The following PTPRT variants were observed in gnomAD, a reference collection of about 807,000 sequenced individuals.
The protein encoded by PTPRT is receptor-type tyrosine-protein phosphatase T.
A neutral mutation model predicts 176.8 loss-of-function variants in PTPRT; 56 were observed. The observed-to-expected ratio is 0.32, with a 90% CI of 0.26 to 0.40. PTPRT has a LOEUF of 0.40. PTPRT is among the 10% of genes least tolerant of loss of function. PTPRT has a pLI of 1.00. For missense variants in PTPRT, 1,540 were observed against 1,908.2 expected (o/e 0.81, Z 3.60); for synonymous variants, 783 against 739.0 (o/e 1.06, Z -0.96).
chr20:42,485,898 C>T (rs981923839), intron 7 of PTPRT, among the ~76,000 whole-genome samples: 1 of 152,210 alleles, frequency 6.6e-6, no homozygotes, highest in Non-Finnish European at 1.5e-5. Context: ...TTGAGGGAGG[C>T]TTATTTTCTG....
chr20:42,780,789 C>A (rs1424843357), intron 3 of PTPRT, among the ~76,000 whole-genome samples: 1 of 152,190 alleles, frequency 6.6e-6, no homozygotes, highest in Non-Finnish European at 1.5e-5. Context: ...TATAATAACA[C>A]TCTTAAAAAT....
chr20:42,742,588 C>G (rs1159520929), intron 6 of PTPRT, among the ~76,000 whole-genome samples: 3 of 152,090 alleles, frequency 2.0e-5, no homozygotes, highest in Non-Finnish European at 4.4e-5. Context: ...TTTAATAGGT[C>G]TGGCCCAAAA....
At chr20:42,181,977 CT>C in intron 16 of PTPRT, among the ~76,000 whole-genome samples, 1 of 151,810 alleles carries the variant, frequency 6.6e-6, no homozygotes, top group South Asian at 2.1e-4. Flanking sequence ...AATCATAGAC[CT>C]GAAGGATAAA....
intron 1 of PTPRT, among the ~76,000 whole-genome samples, chr20:42,897,656 C>T (rs1361136633): frequency 6.6e-6 from 1 of 152,166 alleles, no homozygotes; most frequent in African/African-American, 2.4e-5. Context: ...ATGTTCTTTG[C>T]CCAGGGAGAC....
chr20:42,991,597 C>G (rs1983916992), intron 1 of PTPRT, among the ~76,000 whole-genome samples: 1 of 152,104 alleles, frequency 6.6e-6, no homozygotes, highest in South Asian at 2.1e-4. Flanking sequence ...TTAATGAACA[C>G]AGCTTTTTGG....
intron 7 of PTPRT, among the ~76,000 whole-genome samples, chr20:42,489,252 C>T (rs1202594567): frequency 6.6e-6 from 1 of 152,030 alleles, no homozygotes; most frequent in Non-Finnish European, 1.5e-5. Context: ...CCCCTTGTTC[C>T]AGGCACATGG....
At chr20:42,193,885 A>G (rs1206315033) in intron 16 of PTPRT, among the ~76,000 whole-genome samples, 1 of 152,216 alleles carries the variant, frequency 6.6e-6, no homozygotes, top group Non-Finnish European at 1.5e-5. Flanking sequence ...TTTAAATTGT[A>G]GGTTCTTTTA....
At chr20:42,429,958 C>A (rs995755550) in intron 9 of PTPRT, among the ~76,000 whole-genome samples, 2 of 152,266 alleles carry the variant, frequency 1.3e-5, no homozygotes, top group African/African-American at 2.4e-5. Flanking sequence ...GGCAAGCCCG[C>A]AAGGGCTGAG....
chr20:42,895,567 C>T lies in PTPRT; in HGVS notation c.89-9635G>A, dbSNP rs374587471. ...AGAGGCCAGGAATCTTGGGGGCTGT[C>T]TTAGAATCCCACCCATCACAGGGGG... On this transcript the variant is annotated intron_variant, in intron 1 of 30. Coordinates refer to ENST00000373187, the MANE Select transcript of PTPRT (RefSeq NM_007050.6). Among the ~76,000 whole-genome samples, 63 of 152,296 alleles carry T rather than the reference C, an allele frequency of 4.1e-4. 1 individual carries two copies. The East Asian group carries it at 7.7e-3, about 19-fold the overall frequency.
intron 1 of PTPRT, among the ~76,000 whole-genome samples, chr20:43,061,501 C>T (rs1405408390): frequency 6.6e-6 from 1 of 152,220 alleles, no homozygotes; most frequent in African/African-American, 2.4e-5. Flanking sequence ...AGATGGGCCT[C>T]TAGATGTCAT....
At chr20:42,912,804 C>T (rs1052479780) in intron 1 of PTPRT, among the ~76,000 whole-genome samples, 2 of 152,168 alleles carry the variant, frequency 1.3e-5, no homozygotes, top group Non-Finnish European at 2.9e-5. Flanking sequence ...CCCGGATGTC[C>T]TATATGAAAT....
intron 1 of PTPRT, among the ~76,000 whole-genome samples, chr20:43,098,157 AG>A (rs2012243572): frequency 6.6e-6 from 1 of 152,206 alleles, no homozygotes; most frequent in Non-Finnish European, 1.5e-5. Context: ...ACTGATGACA[AG>A]CTAAAATTTG....
intron 1 of PTPRT, among the ~76,000 whole-genome samples, chr20:42,999,222 G>A (rs1984391410): frequency 6.6e-6 from 1 of 152,054 alleles, no homozygotes; most frequent in South Asian, 2.1e-4. Flanking sequence ...CTTTCAAACT[G>A]CACATATAGT....
At chr20:42,517,187 T>A (rs374988123) in intron 7 of PTPRT, among the ~76,000 whole-genome samples, 1 of 152,080 alleles carries the variant, frequency 6.6e-6, no homozygotes, top group Non-Finnish European at 1.5e-5. Context: ...GGGGAGATTG[T>A]TGACAGATTA....
At chr20:43,139,554 G>A (rs1162408194) in intron 1 of PTPRT, among the ~76,000 whole-genome samples, 1 of 152,182 alleles carries the variant, frequency 6.6e-6, no homozygotes, top group African/African-American at 2.4e-5. Context: ...TTCTGAGGCT[G>A]GAAAATTCTA....
chr20:42,128,921 C>A, intron 18 of PTPRT, 91 bp from the exon 19 acceptor site: 16 of 1,012,680 alleles, frequency 1.6e-5, no homozygotes, highest in Non-Finnish European at 2.2e-5. Context: ...TTAATGACTG[C>A]ATATCAGGCA....
At chr20:42,915,224 C>T (rs957378407) in intron 1 of PTPRT, among the ~76,000 whole-genome samples, 1 of 152,224 alleles carries the variant, frequency 6.6e-6, no homozygotes, top group African/African-American at 2.4e-5. Context: ...ATGCACAATG[C>T]GGTTCGAAAT....
intron 2 of PTPRT, among the ~76,000 whole-genome samples, chr20:42,814,508 TGAATG>T (rs2077749233): frequency 6.6e-6 from 1 of 152,226 alleles, no homozygotes; most frequent in Non-Finnish European, 1.5e-5. Flanking sequence ...AATGTAGTTA[TGAATG>T]AATGAGCTGT....
chr20:43,040,694 T>C (rs576683830), intron 1 of PTPRT, among the ~76,000 whole-genome samples: 3 of 152,344 alleles, frequency 2.0e-5, no homozygotes, highest in East Asian at 1.9e-4. Context: ...TTGTCTCTTC[T>C]TTCCTTGCCA....
Sources: gnomAD v4.1 joint callset for allele counts (sites outside exome capture counted in the v4.1 genomes callset) on GRCh38, gnomAD v4.1.1 for gene constraint, MANE v1.5 for transcripts, NCBI Gene and HGNC (gene_info 2026-07-23, HGNC 2026-07-21) for gene names.